Variants in TNC observed in about 807,000 individuals in gnomAD.
TNC encodes tenascin C.
TNC carries 109 observed loss-of-function variants against 202.4 expected under a neutral mutation model. The ratio of observed to expected loss-of-function variants is 0.54; its 90% CI spans 0.46 to 0.63. TNC has a LOEUF of 0.63. Ranked by LOEUF, TNC falls within the 30% of genes least tolerant of loss-of-function variation. The pLI, the probability that TNC is intolerant of heterozygous loss-of-function variation, is 0.00. For synonymous variants in TNC, 1,007 were observed against 1,089.7 expected (o/e 0.92, Z 1.50); for missense variants, 2,756 against 2,833.3 (o/e 0.97, Z 0.62).
intron 1 of TNC, among the ~76,000 whole-genome samples, chr9:115,092,837 C>T (rs1210501697): frequency 6.6e-6 from 1 of 151,860 alleles, no homozygotes; most frequent in East Asian, 2.0e-4. Context: ...CCACTTGCCT[C>T]AACTTCCCAA....
intron 18 of TNC, 125 bp from the exon 19 acceptor site, chr9:115,041,209 G>C (rs1830711056): frequency 9.0e-7 from 1 of 1,112,042 alleles, no homozygotes; most frequent in Admixed American, 3.1e-5. Flanking sequence ...CCACTTTCTT[G>C]ACTTCTCATT....
At chr9:115,054,278 A>G (rs1363312485) in intron 15 of TNC, among the ~76,000 whole-genome samples, 1 of 152,210 alleles carries the variant, frequency 6.6e-6, no homozygotes, top group Non-Finnish European at 1.5e-5. Flanking sequence ...AATCTCTAAG[A>G]ACAAAAAGGA....
In TNC at chr9:115,042,225, T is replaced by A; in HGVS notation, c.5242A>T (p.Thr1748Ser). ...ESFRITYVPI[T>S]GGTPSMVTVD... ...CCCTTTCCGAGTCTCCTACCTCCTG[T>A]AATGGGCACATAGGTAATCCGGAAG... The change falls in exon 18 of 28, where the codon ACA (threonine) becomes TCA (serine). Residue 1748 changes from threonine (T) to serine (S), a missense_variant. Transcript: ENST00000350763. 6.2e-7 allele frequency: 1 copy of A among 1,614,024 alleles called. No individual in the cohort carries two copies. Among genetic ancestry groups the A allele is most frequent in the Non-Finnish European group, 8.5e-7 (1 of 1,179,906 alleles).
At chr9:115,044,384 G>GACACAC (rs113847516) in intron 17 of TNC, among the ~76,000 whole-genome samples, 140 of 147,214 alleles carry the variant, frequency 9.5e-4, no homozygotes, top group East Asian at 6.1e-3. Context: ...CAGGCATGTA[G>GACACAC]ACACACACAC....
At position 115,081,829 on chromosome 9, in the gene TNC, G is replaced by A. The variant is rs757146565; in HGVS notation, c.2347C>T (p.Leu783=). The change falls in exon 6 of 28, where the codon CTG becomes TTG. Residue 783 remains leucine, a synonymous_variant. Coordinates refer to ENST00000350763, the MANE Select transcript of TNC (RefSeq NM_002160.4). ...LAPGQEYEIS[L]HIVKNNTRGP... Reference sequence around the variant, plus strand: ...CGGGTATTGTTTTTCACTATGTGCAGAGATATCTCATACTCTTGCCCAGGA... The same window carrying A: ...CGGGTATTGTTTTTCACTATGTGCAAAGATATCTCATACTCTTGCCCAGGA... 6.2e-7 allele frequency: 1 copy of A among 1,611,980 alleles called. No individual in the cohort carries two copies. Among genetic ancestry groups the A allele is most frequent in the Non-Finnish European group, 8.5e-7 (1 of 1,179,426 alleles).
chr9:115,031,601 G>A lies in TNC; in HGVS notation c.5872C>T (p.Leu1958Phe), dbSNP rs746265909. ...STHYTAKIQA[L>F]NGPLRSNMIQ... ...ATATTGCTCCTCAGGGGCCCATTGA[G>A]TGCCTGGATCTTGGCTGTGTAGTGG... Residue 1958 changes from leucine (L) to phenylalanine (F), a missense_variant, in exon 23 of 28, where the codon CTC becomes TTC. Leu to Phe is a conservative substitution (Grantham distance 22, BLOSUM62 0). Transcript: ENST00000350763. The A allele has an allele frequency of 3.7e-6, 6 of 1,611,296 alleles. No homozygotes were observed. The highest frequency in any genetic ancestry group is 2.2e-5 in the East Asian group (1 of 44,628).
intron 10 of TNC, among the ~76,000 whole-genome samples, chr9:115,070,361 C>T (rs1340184626): frequency 6.6e-6 from 1 of 152,090 alleles, no homozygotes; most frequent in African/African-American, 2.4e-5. Context: ...CACTCCAAAG[C>T]CCGAGGGTGG....
At chr9:115,049,786 A>G (rs1831508691) in intron 15 of TNC, among the ~76,000 whole-genome samples, 1 of 152,166 alleles carries the variant, frequency 6.6e-6, no homozygotes, top group African/African-American at 2.4e-5. Flanking sequence ...ACAAAGAGAT[A>G]AATGCTCTTG....
At chr9:115,043,658 A>G (rs1292881906) in intron 17 of TNC, among the ~76,000 whole-genome samples, 1 of 152,164 alleles carries the variant, frequency 6.6e-6, no homozygotes, top group Non-Finnish European at 1.5e-5. Context: ...TTTCTTTCCA[A>G]TGTCCCTCTT....
At chr9:115,053,309 C>G (rs1831850606) in intron 15 of TNC, among the ~76,000 whole-genome samples, 1 of 152,118 alleles carries the variant, frequency 6.6e-6, no homozygotes, top group South Asian at 2.1e-4. Context: ...AGTAGACAAG[C>G]CATTAGAGTG....
chr9:115,074,422 A>G (rs937292562), intron 9 of TNC, among the ~76,000 whole-genome samples: 1 of 152,252 alleles, frequency 6.6e-6, no homozygotes, highest in East Asian at 1.9e-4. Flanking sequence ...GCTGTCAGCC[A>G]GAAAGCAGGC....
chr9:115,029,427 C>T lies in TNC; in HGVS notation c.6102G>A (p.Glu2034=), dbSNP rs745430742. The change falls in exon 25 of 28, where the codon GAG becomes GAA. Residue 2034 remains glutamate, a synonymous_variant. Coordinates refer to ENST00000350763, the MANE Select transcript of TNC (RefSeq NM_002160.4). ...IVFLRRKNGR[E]NFYQNWKAYA... Reference sequence around the variant, plus strand: ...ATGCCTTCCAGTTTTGGTAGAAGTTCTCGCGTCCGTTTTTGCGTCTCAGGA... The same window carrying T: ...ATGCCTTCCAGTTTTGGTAGAAGTTTTCGCGTCCGTTTTTGCGTCTCAGGA... 6.2e-7 allele frequency: 1 copy of T among 1,613,992 alleles called. No individual in the cohort carries two copies. Among genetic ancestry groups the T allele is most frequent in the Non-Finnish European group, 8.5e-7 (1 of 1,180,012 alleles).
At position 115,076,549 on chromosome 9, in the gene TNC, G is replaced by A. The variant is rs749140505; in HGVS notation, c.2701C>T (p.Arg901Cys). 8.7e-6 allele frequency: 14 copies of A among 1,614,058 alleles called. No individual in the cohort carries two copies. Among genetic ancestry groups the A allele is most frequent in the African/African-American group, 5.3e-5 (4 of 74,908 alleles). The change falls in exon 8 of 28, where the codon CGT (arginine) becomes TGT (cysteine). Residue 901 changes from arginine to cysteine, a missense_variant. By Grantham distance (180) the Arg-to-Cys change is radical. Coordinates refer to ENST00000350763, the MANE Select transcript of TNC (RefSeq NM_002160.4). ...TGLDAPRNLR[R>C]VSQTDNSITL... ...ATGCTGTTATCTGTCTGGGAAACACGTCGAAGATTCCTGGGAGCATCGAGG... is the reference window on the plus strand; with the variant it reads ...ATGCTGTTATCTGTCTGGGAAACACATCGAAGATTCCTGGGAGCATCGAGG...
chr9:115,080,437 C>A (rs1588146902), intron 6 of TNC, among the ~76,000 whole-genome samples: 1 of 151,992 alleles, frequency 6.6e-6, no homozygotes, highest in East Asian at 1.9e-4. Flanking sequence ...CTGAGCTAGG[C>A]AAAATGTGCA....
rs1332907940 is a variant in TNC at position 115,034,135 on chromosome 9, G to C, written c.5787+1069C>G. Reference sequence around the variant, plus strand: ...TAGGCTGAGGTTTACTCTCTGGAAAGGTTGAGCCAGAGAGGAAGTCCGGAT... The same window carrying C: ...TAGGCTGAGGTTTACTCTCTGGAAACGTTGAGCCAGAGAGGAAGTCCGGAT... On this transcript the variant is annotated intron_variant, in intron 22 of 27. Coordinates refer to ENST00000350763, the MANE Select transcript of TNC (RefSeq NM_002160.4). 2.0e-5 allele frequency among the ~76,000 whole-genome samples: 3 copies of C among 152,230 alleles called. No individual in the cohort carries two copies. The South Asian group carries it at 6.2e-4, about 32-fold the overall frequency.
At chr9:115,065,901 C>CAAA (rs35177151) in intron 10 of TNC, among the ~76,000 whole-genome samples, 27 of 46,522 alleles carry the variant, frequency 5.8e-4, no homozygotes, top group African/African-American at 9.2e-4. Flanking sequence ...GACTCCATCT[C>CAAA]AAAAAAAAAA....
In TNC at chr9:115,019,801, G is replaced by C. The variant is rs942290893; in HGVS notation, c.*1356C>G. ...ATGAGTGTCCCTACTTTACAGAAGA[G>C]GAAACTGAGGCATAGAGAGGTTAGG... On this transcript the variant is annotated 3_prime_UTR_variant, in exon 28 of 28. Coordinates refer to ENST00000350763, the MANE Select transcript of TNC (RefSeq NM_002160.4). The C allele has an allele frequency of 1.3e-5, 2 of 152,192 alleles. No homozygotes were observed. Among genetic ancestry groups the C allele is most frequent in the African/African-American group, 2.4e-5 (1 of 41,436 alleles). 9.4% of individuals were successfully genotyped at this position (152,192 alleles called of 1,614,324 possible). A position where few individuals can be genotyped will look rare whatever the true frequency, so the allele number is the denominator to read the frequency against.
In TNC at chr9:115,090,834, G is replaced by A. The variant is rs180807853; in HGVS notation, c.185C>T (p.Ser62Phe). The change falls in exon 2 of 28, where the codon TCC (serine) becomes TTC (phenylalanine). Residue 62 changes from serine (S) to phenylalanine (F), a missense_variant. Physicochemically the swap from Ser to Phe is radical, Grantham distance 155 (BLOSUM62 -2). Around this residue, in one of 2 missense-constraint regions of TNC, gnomAD observed 2,559 missense variants for 2,546.0 expected, o/e 1.01. Transcript: ENST00000350763. ...TGACTCCAGATCCACCGAACACTGG[G>A]ATCCCACTGGCAGCTTGATGTTGTA... ...HVYNIKLPVGSQCSVDLESAS... is the reference protein window; with the variant it reads ...HVYNIKLPVGFQCSVDLESAS... The A allele has an allele frequency of 1.2e-6, 2 of 1,614,186 alleles. No homozygotes were observed. The highest frequency in any genetic ancestry group is 1.1e-5 in the South Asian group (1 of 91,080).
intron 1 of TNC, among the ~76,000 whole-genome samples, chr9:115,093,081 A>G (rs977374574): frequency 6.6e-6 from 1 of 152,120 alleles, no homozygotes; most frequent in South Asian, 2.1e-4. Context: ...CATGATCCCA[A>G]CTGACCATCT....
Sources: gnomAD v4.1 joint callset for allele counts (sites outside exome capture counted in the v4.1 genomes callset) on GRCh38, gnomAD v4.1.1 for gene constraint, gnomAD v4.1.1 regional missense constraint, MANE v1.5 for transcripts, NCBI Gene and HGNC (gene_info 2026-07-23, HGNC 2026-07-21) for gene names.